Variants in FLNB observed in about 807,000 individuals in gnomAD.
The protein encoded by FLNB is filamin-B.
A neutral mutation model predicts 250.6 loss-of-function variants in FLNB; 111 were observed. The observed-to-expected ratio is 0.44, with a 90% CI of 0.38 to 0.52. The LOEUF (loss-of-function observed/expected upper bound fraction) is 0.52, where lower values mean the gene tolerates loss of function less well. Ranked by LOEUF, FLNB falls within the 20% of genes least tolerant of loss-of-function variation. The pLI is 0.00. For missense variants in FLNB, 2,869 were observed against 3,447.8 expected (o/e 0.83, Z 4.20); for synonymous variants, 1,302 against 1,372.1 (o/e 0.95, Z 1.13).
Position 58,167,216 on chromosome 3 carries a change from C to T in FLNB, c.7199-1224C>T, listed in dbSNP as rs1327347159. On this transcript the variant is annotated intron_variant, in intron 43 of 45. Transcript: ENST00000295956. ...CACTGTCTCCTTGTTGCTCACCTCC[C>T]GCTTCTTCCCTACGTAGCCCCAGGC... Among the ~76,000 whole-genome samples, 6 of 152,328 alleles carry T rather than the reference C, an allele frequency of 3.9e-5. No homozygotes were observed. The East Asian group carries it at 1.2e-3, about 29-fold the overall frequency.
chr3:58,042,787 C>T (rs776908931), intron 1 of FLNB, among the ~76,000 whole-genome samples: 4 of 152,120 alleles, frequency 2.6e-5, no homozygotes, highest in Non-Finnish European at 5.9e-5. Flanking sequence ...CAGCCATGAG[C>T]CGTTCGTTGC....
chr3:58,041,119 C>T (rs779185874), intron 1 of FLNB, among the ~76,000 whole-genome samples: 1 of 152,150 alleles, frequency 6.6e-6, no homozygotes, highest in Non-Finnish European at 1.5e-5. Flanking sequence ...ACCTAGCTGG[C>T]AAGCAAGTGG....
At chr3:58,109,960 A>C (rs1559699742) in intron 15 of FLNB, 50 bp from the exon 16 acceptor site, 2 of 1,608,774 alleles carry the variant, frequency 1.2e-6, no homozygotes, top group Non-Finnish European at 1.7e-6. Context: ...GAGATTGCAC[A>C]GGACATGCTG....
chr3:58,159,574 C>G lies in FLNB; in HGVS notation c.6909C>G (p.Asn2303Lys), dbSNP rs767804050. Residue 2303 changes from asparagine to lysine, a missense_variant, in exon 42 of 46, where the codon AAC (asparagine) becomes AAG (lysine). By Grantham distance (94) the Asn-to-Lys change is moderately conservative. Transcript: ENST00000295956. ...CTCAGGAATCGGGATTAAAAGTTAA[C>G]CAGCCAGCATCCTTTGCTATAAGGT... ...MSLQESGLKV[N>K]QPASFAIRLN... 4.3e-6 allele frequency: 7 copies of G among 1,614,150 alleles called. No homozygotes were observed. The highest frequency in any genetic ancestry group is 5.1e-6 in the Non-Finnish European group (6 of 1,180,024).
chr3:58,054,462 G>A (rs2097167287), intron 1 of FLNB, among the ~76,000 whole-genome samples: 1 of 152,158 alleles, frequency 6.6e-6, no homozygotes, highest in Non-Finnish European at 1.5e-5. Flanking sequence ...AATTTATAAA[G>A]GAAAGAGGTT....
chr3:58,171,481 G>A lies in FLNB; in HGVS notation c.*719G>A, dbSNP rs879102609. 2 of 152,346 alleles carry A rather than the reference G, an allele frequency of 1.3e-5. No individual in the cohort carries two copies. The highest frequency in any genetic ancestry group is 2.9e-5 in the Non-Finnish European group (2 of 68,192). The allele number at this position is 152,346 out of a possible 1,614,324, so 9.4% of individuals were successfully genotyped here. On this transcript the variant is annotated 3_prime_UTR_variant, in exon 46 of 46. Coordinates refer to ENST00000295956, the MANE Select transcript of FLNB (RefSeq NM_001457.4). The surrounding 1 kb of genome is among the most constrained non-coding windows in gnomAD (Gnocchi z 5.5). ...TCCCGGCAGTCATGGTTTTGCTTTA[G>A]TTTTCCAAGTCCGTTTCAGTCCCTT...
In FLNB at chr3:58,138,330, T is replaced by C; in HGVS notation, c.4910T>C (p.Val1637Ala). The change falls in exon 29 of 46, where the codon GTG becomes GCG. Residue 1637 changes from valine to alanine, a missense_variant. Around this residue, in one of 5 missense-constraint regions of FLNB, gnomAD observed 1,084 missense variants for 1,315.5 expected, o/e 0.82. Transcript: ENST00000295956. ...AAAACTGGCGAAGAAGTAGGCTTTG[T>C]GGTTGATGCCAAGACTGCCGGGAAG... Reference protein sequence around the residue: ...TVKTGEEVGFVVDAKTAGKGK... With the variant: ...TVKTGEEVGFAVDAKTAGKGK... 6.2e-7 allele frequency: 1 copy of C among 1,614,184 alleles called. No homozygotes were observed. The highest frequency in any genetic ancestry group is 8.5e-7 in the Non-Finnish European group (1 of 1,180,036).
At chr3:58,070,054 T>TTC (rs2097191797) in intron 1 of FLNB, among the ~76,000 whole-genome samples, 7 of 149,970 alleles carry the variant, frequency 4.7e-5, no homozygotes, top group Admixed American at 2.0e-4. Context: ...TCTTTCTTTT[T>TTC]TTTTTTTTTT....
At chr3:58,121,129 G>A in intron 19 of FLNB, 112 bp from the exon 20 acceptor site, 1 of 1,371,814 alleles carries the variant, frequency 7.3e-7, no homozygotes, top group Non-Finnish European at 1.0e-6. Flanking sequence ...GTTGCTTACA[G>A]TGGAGGCTGA....
Position 58,142,913 on chromosome 3 carries a change from C to G in FLNB, c.5284+161C>G, listed in dbSNP as rs1039428344. On this transcript the variant is annotated intron_variant, in intron 31 of 45. Transcript: ENST00000295956. This position sits in a 1 kb window ranked among gnomAD's most constrained non-coding sequence, Gnocchi z 4.3. ...GTTGGGCCGTGGGCTCCTGAAACTACAGAATATGCCACGTGTGTGTTTCTC... is the reference window on the plus strand; with the variant it reads ...GTTGGGCCGTGGGCTCCTGAAACTAGAGAATATGCCACGTGTGTGTTTCTC... Among the ~76,000 whole-genome samples the G allele has an allele frequency of 1.3e-5, 2 of 152,236 alleles. 1 individual carries two copies. The highest frequency in any genetic ancestry group is 1.3e-4 in the Admixed American group (2 of 15,282).
intron 1 of FLNB, among the ~76,000 whole-genome samples, chr3:58,066,511 G>A (rs2097185963): frequency 6.6e-6 from 1 of 152,170 alleles, no homozygotes; most frequent in Non-Finnish European, 1.5e-5. Context: ...AAGCCATCAA[G>A]CCCTGCTTTT....
Position 58,163,202 on chromosome 3 carries a change from T to C in FLNB, c.7070T>C (p.Ile2357Thr). 2 of 1,614,172 alleles carry C rather than the reference T, an allele frequency of 1.2e-6. No homozygotes were observed. The highest frequency in any genetic ancestry group is 1.7e-6 in the Non-Finnish European group (2 of 1,180,004). Residue 2357 changes from isoleucine (I) to threonine (T), a missense_variant, in exon 43 of 46, where the codon ATC becomes ACC. Transcript: ENST00000295956. The stretch of plus-strand genomic sequence containing the variant: ...CCTCATGAGAATGGTGTCCACACCA[T>C]CGATGTCAAGTTCAATGGGAGCCAC... ...FIPHENGVHTIDVKFNGSHVV... is the reference protein window; with the variant it reads ...FIPHENGVHTTDVKFNGSHVV...
intron 34 of FLNB, 93 bp from the exon 35 acceptor site, chr3:58,148,113 C>A: frequency 2.3e-6 from 3 of 1,278,132 alleles, no homozygotes; most frequent in South Asian, 1.2e-5. Flanking sequence ...TTAGTTCTTG[C>A]GTGTTCATCC....
At chr3:58,033,083 C>T (rs1000317444) in intron 1 of FLNB, among the ~76,000 whole-genome samples, 1 of 152,150 alleles carries the variant, frequency 6.6e-6, no homozygotes, top group Non-Finnish European at 1.5e-5. Flanking sequence ...AATCTCCCCA[C>T]CCCTGCCAAG....
intron 41 of FLNB, 32 bp from the exon 42 acceptor site, chr3:58,159,522 G>T (rs1296171988): frequency 1.9e-6 from 3 of 1,613,214 alleles, no homozygotes; most frequent in Admixed American, 1.7e-5. Flanking sequence ...AACGCCGAGG[G>T]CCATAACCTG....
At chr3:58,039,038 T>TA (rs1559650900) in intron 1 of FLNB, among the ~76,000 whole-genome samples, 7 of 147,390 alleles carry the variant, frequency 4.7e-5, no homozygotes, top group East Asian at 2.0e-4. Context: ...TTTTTTTTTT[T>TA]TAAAAAAAAG....
At chr3:58,081,381 T>C (rs2097209080) in intron 3 of FLNB, among the ~76,000 whole-genome samples, 1 of 152,194 alleles carries the variant, frequency 6.6e-6, no homozygotes, top group African/African-American at 2.4e-5. Flanking sequence ...GGGAGGACAA[T>C]GAACTTTTGG....
Position 58,142,666 on chromosome 3 carries a change from A to G in FLNB, c.5198A>G (p.Tyr1733Cys), listed in dbSNP as rs375336910. ...TGTTTTTAGGTGACCGAAGAGGCCT[A>G]TGTCCCAGTGAGTGACATGAACGGC... ...GFRPWVTEEA[Y>C]VPVSDMNGLG... Residue 1733 changes from tyrosine (Y) to cysteine (C), a missense_variant, in exon 31 of 46, where the codon TAT (tyrosine) becomes TGT (cysteine). By Grantham distance (194) the Tyr-to-Cys change is radical (BLOSUM62 -2). This residue lies in a region of FLNB where 1,084 missense variants were observed against 1,315.5 expected (regional missense o/e 0.82). Transcript: ENST00000295956. The surrounding 1 kb of genome is among the most constrained non-coding windows in gnomAD (Gnocchi z 4.3). 20 of 1,614,084 alleles carry G rather than the reference A, an allele frequency of 1.2e-5. No individual in the cohort carries two copies. Among genetic ancestry groups the G allele is most frequent in the Admixed American group, 6.7e-5 (4 of 60,016 alleles).
intron 1 of FLNB, among the ~76,000 whole-genome samples, chr3:58,060,789 AAAAAAAAAAAG>A (rs1330037069): frequency 1.8e-4 from 19 of 107,318 alleles, no homozygotes; most frequent in African/African-American, 8.7e-4. Flanking sequence ...AAAAAAAAAA[AAAAAAAAAAAG>A]AAAGAAAGAA....
Sources: gnomAD v4.1 joint callset for allele counts (sites outside exome capture counted in the v4.1 genomes callset) on GRCh38, gnomAD v4.1.1 for gene constraint, gnomAD v4.1.1 regional missense constraint, Gnocchi (gnomAD v3.1) non-coding constraint, MANE v1.5 for transcripts, NCBI Gene and HGNC (gene_info 2026-07-23, HGNC 2026-07-21) for gene names.